The following MTMR14 variants were observed in gnomAD, a reference collection of about 807,000 sequenced individuals.
The protein encoded by MTMR14 is phosphatidylinositol-3,5-bisphosphate 3-phosphatase MTMR14.
MTMR14 carries 48 observed loss-of-function variants against 86.3 expected under a neutral mutation model. The ratio of observed to expected loss-of-function variants is 0.56; its 90% CI spans 0.44 to 0.71. MTMR14 has a LOEUF of 0.71. MTMR14 is among the 30% of genes least tolerant of loss of function. The probability of loss-of-function intolerance (pLI) is 0.00; values close to 1 mark genes in which losing one functional copy is unlikely to be tolerated. For synonymous variants in MTMR14, 366 were observed against 326.1 expected (o/e 1.12, Z -1.32); for missense variants, 780 against 834.6 (o/e 0.93, Z 0.81).
At position 9,654,018 on chromosome 3, in the gene MTMR14, G is replaced by A. The variant is rs570128153; in HGVS notation, c.308+249G>A. ...CCCTAGAGCTCATTGTCCTAAGATAGCTGACTTCACACTTCACTTCTCTGA... is the reference window on the plus strand; with the variant it reads ...CCCTAGAGCTCATTGTCCTAAGATAACTGACTTCACACTTCACTTCTCTGA... On this transcript the variant is annotated intron_variant, in intron 2 of 18. Transcript: ENST00000296003. 18 of 535,936 alleles carry A rather than the reference G, an allele frequency of 3.4e-5. 2 individuals carry two copies. The highest frequency in any genetic ancestry group is 3.2e-4 in the South Asian group (16 of 50,608). The allele number at this position is 535,936 out of a possible 1,614,324, so 33.2% of individuals were successfully genotyped here.
At chr3:9,688,203 A>G (rs2076024104) in intron 14 of MTMR14, among the ~76,000 whole-genome samples, 1 of 152,160 alleles carries the variant, frequency 6.6e-6, no homozygotes, top group African/African-American at 2.4e-5. Flanking sequence ...CCAGCCCAGG[A>G]GTAGGAGGAC....
chr3:9,681,390 A>G (rs987025338), intron 9 of MTMR14, among the ~76,000 whole-genome samples: 6 of 152,176 alleles, frequency 3.9e-5, no homozygotes. Context: ...TAGTCCCTGA[A>G]CACTAAGCCT....
At chr3:9,680,440 A>G (rs893029305) in intron 9 of MTMR14, among the ~76,000 whole-genome samples, 10 of 152,208 alleles carry the variant, frequency 6.6e-5, no homozygotes, top group African/African-American at 2.4e-4. Context: ...CCCCTGCCTT[A>G]AAACCTACCA....
At position 9,677,402 on chromosome 3, in the gene MTMR14, A is replaced by G. The variant is rs746510126; in HGVS notation, c.822+15A>G. ...ACTGGAAGCAGGTATGAGCAATAAC[A>G]TACATCAAATTGGATCTATGTCTCT... On this transcript the variant is annotated intron_variant, in intron 8 of 18. Coordinates refer to ENST00000296003, the MANE Select transcript of MTMR14 (RefSeq NM_001077525.3). This position sits in a 1 kb window ranked among gnomAD's most constrained non-coding sequence, Gnocchi z 4.2. 1 of 1,609,674 alleles carries G rather than the reference A, an allele frequency of 6.2e-7. No individual in the cohort carries two copies. Among genetic ancestry groups the G allele is most frequent in the South Asian group, 1.1e-5 (1 of 90,976 alleles).
intron 7 of MTMR14, among the ~76,000 whole-genome samples, chr3:9,674,849 C>T (rs1476535697): frequency 1.3e-5 from 2 of 152,192 alleles, no homozygotes; most frequent in African/African-American, 2.4e-5. Flanking sequence ...CAGTGGCTCA[C>T]GCATATAATC....
At chr3:9,667,641 C>G (rs542829603) in intron 3 of MTMR14, among the ~76,000 whole-genome samples, 1 of 152,250 alleles carries the variant, frequency 6.6e-6, no homozygotes, top group East Asian at 1.9e-4. Flanking sequence ...TAATGCCCCT[C>G]ATTCTGTCCC....
At position 9,684,688 on chromosome 3, in the gene MTMR14, C is replaced by T; in HGVS notation, c.1050+18C>T. 2 of 1,613,812 alleles carry T rather than the reference C, an allele frequency of 1.2e-6. No homozygotes were observed. Among genetic ancestry groups the T allele is most frequent in the Non-Finnish European group, 1.7e-6 (2 of 1,179,708 alleles). On this transcript the variant is annotated intron_variant, in intron 11 of 18. Transcript: ENST00000296003. Reference sequence around the variant, plus strand: ...TGTGGGCTGTGAGTATGAATCGGCCCCTACCAAGCTCTGCTCTTTGGGTGT... The same window carrying T: ...TGTGGGCTGTGAGTATGAATCGGCCTCTACCAAGCTCTGCTCTTTGGGTGT...
In MTMR14 at chr3:9,696,805, T is replaced by A. The variant is rs549268986; in HGVS notation, c.1614-906T>A. On this transcript the variant is annotated intron_variant, in intron 17 of 18. Transcript: ENST00000296003. ...GGATCCCTACTGGAGTACCTCCTGC[T>A]GTTTTTGGATGAAAGAATAAAGGGT... 2.0e-5 allele frequency among the ~76,000 whole-genome samples: 3 copies of A among 152,322 alleles called. 1 individual carries two copies. The highest frequency in any genetic ancestry group is 7.2e-5 in the African/African-American group (3 of 41,572).
chr3:9,687,847 G>A lies in MTMR14; in HGVS notation c.1191G>A (p.Leu397=). The A allele has an allele frequency of 6.3e-7, 1 of 1,584,530 alleles. No homozygotes were observed. The highest frequency in any genetic ancestry group is 8.6e-7 in the Non-Finnish European group (1 of 1,162,572). Residue 397 remains leucine (L), a synonymous_variant, in exon 14 of 19, where the codon TTG becomes TTA. Coordinates refer to ENST00000296003, the MANE Select transcript of MTMR14 (RefSeq NM_001077525.3). ...EEIFFFCFNF[L]KHITSEEFSA... The stretch of plus-strand genomic sequence containing the variant: ...TTTTCTTCTTCTGCTTCAATTTTTT[G>A]AAGCATATTACCTCCGAGGAGTTCT...
At position 9,653,691 on chromosome 3, in the gene MTMR14, C is replaced by G. The variant is rs762474515; in HGVS notation, c.230C>G (p.Thr77Arg). 1 of 1,614,146 alleles carries G rather than the reference C, an allele frequency of 6.2e-7. No homozygotes were observed. Among genetic ancestry groups the G allele is most frequent in the Admixed American group, 1.7e-5 (1 of 60,012 alleles). ...TACTGTTTCAGCGTGATTCCAAACA[C>G]GAATGGGGATATCTGTGGCCACTAT... is the stretch of plus-strand genomic sequence containing the variant. ...RDYCFSVIPN[T>R]NGDICGHYPR... The change falls in exon 2 of 19, where the codon ACG becomes AGG. Residue 77 changes from threonine to arginine, a missense_variant. Physicochemically the swap from Thr to Arg is moderately conservative, Grantham distance 71 (BLOSUM62 -1). Coordinates refer to ENST00000296003, the MANE Select transcript of MTMR14 (RefSeq NM_001077525.3).
At chr3:9,697,685 TC>T (rs780780402) in intron 17 of MTMR14, 25 bp from the exon 18 acceptor site, 1 of 1,610,300 alleles carries the variant, frequency 6.2e-7, no homozygotes, top group Non-Finnish European at 8.5e-7. Context: ...CTGCATCCTC[TC>T]CCCTCTCTCT....
At chr3:9,665,460 G>A (rs2048194558) in intron 3 of MTMR14, among the ~76,000 whole-genome samples, 1 of 152,112 alleles carries the variant, frequency 6.6e-6, no homozygotes, top group South Asian at 2.1e-4. Flanking sequence ...ATAGACGTCA[G>A]GGACTTCAAA....
chr3:9,694,256 G>A (rs1394143460), intron 17 of MTMR14, among the ~76,000 whole-genome samples: 2 of 152,138 alleles, frequency 1.3e-5, no homozygotes, highest in Non-Finnish European at 2.9e-5. Context: ...TGTCTGACTT[G>A]GAAAAATCAC....
chr3:9,679,653 T>C (rs2075694590), intron 9 of MTMR14, among the ~76,000 whole-genome samples: 1 of 152,170 alleles, frequency 6.6e-6, no homozygotes, highest in Non-Finnish European at 1.5e-5. Flanking sequence ...CTCTGTGGCC[T>C]TGAACAGATG....
In MTMR14 at chr3:9,685,317, A is replaced by G. The variant is rs2075904104; in HGVS notation, c.1164+70A>G. 2.5e-6 allele frequency: 4 copies of G among 1,586,148 alleles called. No homozygotes were observed. The South Asian group carries it at 4.4e-5, about 18-fold the overall frequency. On this transcript the variant is annotated intron_variant, in intron 13 of 18. Coordinates refer to ENST00000296003, the MANE Select transcript of MTMR14 (RefSeq NM_001077525.3). ...AGAGGGGCAGTGGGTAGCCTGTCTG[A>G]GTTCCACGTGTTAGGGGCAGCTCCT...
chr3:9,680,707 G>T (rs1488498714), intron 9 of MTMR14, among the ~76,000 whole-genome samples: 1 of 152,180 alleles, frequency 6.6e-6, no homozygotes, highest in Non-Finnish European at 1.5e-5. Flanking sequence ...CGTGGTGGCG[G>T]GCGCCTGTAG....
intron 14 of MTMR14, 39 bp downstream of exon 14, chr3:9,687,930 GCT>G (rs2076015276): frequency 6.6e-7 from 1 of 1,526,248 alleles, no homozygotes; most frequent in Non-Finnish European, 8.9e-7. Flanking sequence ...GGGCCAGGGC[GCT>G]CTGAGAAGGG....
chr3:9,685,295 GGGGCAGT>G, intron 13 of MTMR14, 48 bp downstream of exon 13: 1 of 1,609,616 alleles, frequency 6.2e-7, no homozygotes, highest in East Asian at 2.2e-5. Flanking sequence ...CACTGAAAGA[GGGGCAGT>G]GGGTAGCCTG....
intron 17 of MTMR14, among the ~76,000 whole-genome samples, chr3:9,695,233 A>C (rs1016891192): frequency 6.6e-6 from 1 of 152,238 alleles, no homozygotes; most frequent in East Asian, 1.9e-4. Flanking sequence ...TGTCCCCTGC[A>C]GCCAGCTAAT....
Sources: allele counts gnomAD v4.1 joint callset (sites outside exome capture counted in the v4.1 genomes callset), GRCh38; gene constraint gnomAD v4.1.1; non-coding constraint Gnocchi (gnomAD v3.1); transcripts MANE v1.5; gene names NCBI Gene and HGNC (gene_info 2026-07-23, HGNC 2026-07-21).